Variants in NOSTRIN observed in about 807,000 individuals in gnomAD.
NOSTRIN encodes nitric oxide synthase trafficking.
NOSTRIN carries 63 observed loss-of-function variants against 59.0 expected under a neutral mutation model. That is an observed-to-expected ratio of 1.07 (90% CI 0.87 to 1.32). NOSTRIN has a LOEUF of 1.32. Ranked by LOEUF, NOSTRIN falls within the 40% of genes most tolerant of loss-of-function variation. The pLI is 0.00. For missense variants in NOSTRIN, 512 were observed against 473.1 expected (o/e 1.08, Z -0.76); for synonymous variants, 200 against 165.4 (o/e 1.21, Z -1.61).
upstream of NOSTRIN, chr2:168,798,220 G>A (rs534737085): frequency 3.5e-4 from 53 of 152,276 alleles, no homozygotes; most frequent in African/African-American, 9.9e-4. Flanking sequence ...TGCCTGACAC[G>A]TGGTATGTCC....
chr2:168,843,211 G>C, intron 8 of NOSTRIN, 94 bp downstream of exon 8: 1 of 729,448 alleles, frequency 1.4e-6, no homozygotes, highest in East Asian at 2.5e-5. Context: ...CCTGCCCTCT[G>C]TCTTAGCTAT....
chr2:168,848,035 A>C (rs1688530636), intron 8 of NOSTRIN, among the ~76,000 whole-genome samples: 1 of 152,170 alleles, frequency 6.6e-6, no homozygotes, highest in African/African-American at 2.4e-5. Flanking sequence ...ATGTTCTAAA[A>C]CCTGGCTTTT....
In NOSTRIN at chr2:168,862,051, T is replaced by A. The variant is rs762396593; in HGVS notation, c.1384+2T>A. ...ATGATGAGTTGAATTTGGAAAAGGG[T>A]AAGAATCATTCTCAAATATTTTAAT... is the stretch of plus-strand genomic sequence containing the variant. On this transcript the variant is annotated splice_donor_variant, in intron 15 of 15. Coordinates refer to ENST00000317647, the MANE Select transcript of NOSTRIN (RefSeq NM_001039724.4). LOFTEE classifies it high-confidence loss of function. The A allele has an allele frequency of 6.2e-7, 1 of 1,612,944 alleles. No individual in the cohort carries two copies. Among genetic ancestry groups the A allele is most frequent in the South Asian group, 1.1e-5 (1 of 91,048 alleles).
At chr2:168,805,829 G>A (rs148395158) in intron 1 of NOSTRIN, among the ~76,000 whole-genome samples, 395 of 152,268 alleles carry the variant, frequency 2.6e-3, no homozygotes, top group African/African-American at 8.6e-3. Context: ...GCCATGGTCC[G>A]TAGCTCCTAG....
intron 3 of NOSTRIN, among the ~76,000 whole-genome samples, chr2:168,825,992 A>G (rs2105621069): frequency 6.6e-6 from 1 of 152,374 alleles, no homozygotes; most frequent in Admixed American, 6.5e-5. Flanking sequence ...GTATAGATAC[A>G]CTGCCCAGGT....
chr2:168,844,764 G>T (rs1402927968), intron 8 of NOSTRIN, among the ~76,000 whole-genome samples: 2 of 152,070 alleles, frequency 1.3e-5, no homozygotes, highest in Non-Finnish European at 2.9e-5. Context: ...CAGCTACTCG[G>T]GAGGCTGAGG....
chr2:168,833,279 A>C (rs1687474678), intron 6 of NOSTRIN, among the ~76,000 whole-genome samples: 2 of 152,210 alleles, frequency 1.3e-5, no homozygotes, highest in Admixed American at 6.5e-5. Flanking sequence ...CTCATTTCCC[A>C]GCAGGCATGT....
chr2:168,810,237 C>T (rs1357133057), intron 1 of NOSTRIN, among the ~76,000 whole-genome samples: 1 of 152,182 alleles, frequency 6.6e-6, no homozygotes, highest in Non-Finnish European at 1.5e-5. Flanking sequence ...CTCCTTGTAT[C>T]CCAAGCAGTT....
At chr2:168,851,507 A>G in intron 10 of NOSTRIN, 103 bp downstream of exon 10, 3 of 1,475,978 alleles carry the variant, frequency 2.0e-6, no homozygotes, top group African/African-American at 1.4e-5. Flanking sequence ...TTTATCAATG[A>G]AAATGATTTC....
intron 10 of NOSTRIN, among the ~76,000 whole-genome samples, chr2:168,851,780 T>C (rs1200378299): frequency 6.6e-6 from 1 of 150,796 alleles, no homozygotes; most frequent in Non-Finnish European, 1.5e-5. Flanking sequence ...CCCACCAAAA[T>C]AATGGCTTAA....
intron 1 of NOSTRIN, among the ~76,000 whole-genome samples, chr2:168,806,235 T>C (rs1337229958): frequency 6.6e-6 from 1 of 152,142 alleles, no homozygotes; most frequent in Non-Finnish European, 1.5e-5. Context: ...GGGAATATCA[T>C]GGTTTCTTTA....
At chr2:168,810,802 G>A (rs1332190116) in intron 1 of NOSTRIN, among the ~76,000 whole-genome samples, 1 of 152,148 alleles carries the variant, frequency 6.6e-6, no homozygotes, top group East Asian at 1.9e-4. Context: ...GTCAGAAAAA[G>A]CTGCAGAATC....
At chr2:168,834,515 A>ACACACGCGCG (rs1687598263) in intron 7 of NOSTRIN, among the ~76,000 whole-genome samples, 190 bp downstream of exon 7, 1 of 144,824 alleles carries the variant, frequency 6.9e-6, no homozygotes, top group Non-Finnish European at 1.5e-5. Flanking sequence ...GCGCACACAC[A>ACACACGCGCG]CACACACACA....
chr2:168,864,933 T>G lies in NOSTRIN; in HGVS notation c.1484T>G (p.Leu495Ter). The G allele has an allele frequency of 6.2e-7, 1 of 1,614,136 alleles. No individual in the cohort carries two copies. The part of the protein sequence containing the change: ...GHFPAAYVEE[L>*]PSNAGNTATK... ...TTTCCTGCCGCTTATGTGGAGGAGT[T>G]ACCTTCAAATGCTGGCAACACAGCT... The change falls in exon 16 of 16, where the codon TTA becomes TGA. Residue 495 changes from leucine to a stop codon, truncating the protein, a stop_gained. Coordinates refer to ENST00000317647, the MANE Select transcript of NOSTRIN (RefSeq NM_001039724.4). LOFTEE classifies it low-confidence loss of function (END_TRUNC).
chr2:168,823,600 G>A (rs1389199736), intron 2 of NOSTRIN, among the ~76,000 whole-genome samples: 1 of 152,044 alleles, frequency 6.6e-6, no homozygotes, highest in African/African-American at 2.4e-5. Context: ...CTCTTTATAT[G>A]GGACACATCC....
At chr2:168,843,282 C>T (rs769439459) in intron 8 of NOSTRIN, among the ~76,000 whole-genome samples, 165 bp downstream of exon 8, 4 of 152,188 alleles carry the variant, frequency 2.6e-5, no homozygotes, top group Non-Finnish European at 4.4e-5. Context: ...TTCAGTTTCT[C>T]CATGGATACA....
intron 1 of NOSTRIN, among the ~76,000 whole-genome samples, chr2:168,810,873 T>C (rs1686094876): frequency 6.6e-6 from 1 of 152,210 alleles, no homozygotes; most frequent in African/African-American, 2.4e-5. Context: ...TGTCTACATT[T>C]ATAGTTTCCA....
At chr2:168,836,161 C>G (rs1253217172) in intron 7 of NOSTRIN, among the ~76,000 whole-genome samples, 1 of 152,218 alleles carries the variant, frequency 6.6e-6, no homozygotes, top group African/African-American at 2.4e-5. Flanking sequence ...TGGAAATGAT[C>G]ATAACAAGTA....
chr2:168,848,162 G>C (rs1481216030), intron 8 of NOSTRIN, among the ~76,000 whole-genome samples: 1 of 152,172 alleles, frequency 6.6e-6, no homozygotes, highest in Admixed American at 6.5e-5. Flanking sequence ...CCAAACAACT[G>C]AGCAGAATTT....
Sources: gnomAD v4.1 joint callset for allele counts (sites outside exome capture counted in the v4.1 genomes callset) on GRCh38, gnomAD v4.1.1 for gene constraint, MANE v1.5 for transcripts, NCBI Gene and HGNC (gene_info 2026-07-23, HGNC 2026-07-21) for gene names.